The following SCAPER variants were observed in gnomAD, a reference collection of about 807,000 sequenced individuals.
SCAPER encodes S phase cyclin A-associated protein in the endoplasmic reticulum.
A neutral mutation model predicts 182.2 loss-of-function variants in SCAPER; 98 were observed. The ratio of observed to expected loss-of-function variants is 0.54; its 90% CI spans 0.46 to 0.64. The LOEUF (loss-of-function observed/expected upper bound fraction) is 0.64. Ranked by LOEUF, SCAPER falls within the 30% of genes least tolerant of loss-of-function variation. SCAPER has a pLI of 0.00. For synonymous variants in SCAPER, 605 were observed against 564.6 expected (o/e 1.07, Z -1.01); for missense variants, 1,432 against 1,690.0 (o/e 0.85, Z 2.68).
At chr15:76,753,773 T>A (rs746699877) in intron 15 of SCAPER, 35 bp downstream of exon 15, 2 of 1,589,812 alleles carry the variant, frequency 1.3e-6, no homozygotes, top group African/African-American at 2.7e-5. Flanking sequence ...AGTACTTGGG[T>A]AATTAAGTCA....
intron 2 of SCAPER, among the ~76,000 whole-genome samples, chr15:76,873,702 A>G (rs2151926844): frequency 6.6e-6 from 1 of 152,338 alleles, no homozygotes; most frequent in African/African-American, 2.4e-5. Context: ...ACAAGTTGAT[A>G]TATTTGACAT....
At chr15:76,716,742 A>T (rs1016616282) in intron 17 of SCAPER, among the ~76,000 whole-genome samples, 5 of 152,004 alleles carry the variant, frequency 3.3e-5, no homozygotes, top group Non-Finnish European at 5.9e-5. Flanking sequence ...AATGACTCAG[A>T]AGAGAAGAAA....
intron 6 of SCAPER, among the ~76,000 whole-genome samples, chr15:76,803,347 T>C (rs1409347158): frequency 6.6e-6 from 1 of 152,214 alleles, no homozygotes; most frequent in Non-Finnish European, 1.5e-5. Context: ...CTGTCTCAAT[T>C]TAAATGTCAC....
At chr15:76,490,629 G>A (rs2052203170) in intron 24 of SCAPER, among the ~76,000 whole-genome samples, 1 of 152,042 alleles carries the variant, frequency 6.6e-6, no homozygotes, top group Admixed American at 6.6e-5. Flanking sequence ...ATGTGACAAA[G>A]CTTTTTATTT....
chr15:76,850,859 C>CAA (rs59202490), intron 4 of SCAPER, among the ~76,000 whole-genome samples: 28 of 89,990 alleles, frequency 3.1e-4, no homozygotes, highest in Non-Finnish European at 3.9e-4. Context: ...GACTCTGTCT[C>CAA]AAAAAAAAAA....
chr15:76,390,180 TC>T (rs1315676120), intron 27 of SCAPER, among the ~76,000 whole-genome samples: 1 of 152,174 alleles, frequency 6.6e-6, no homozygotes, highest in African/African-American at 2.4e-5. Flanking sequence ...GGTCTCAAAC[TC>T]CTAGCCTCAA....
intron 5 of SCAPER, among the ~76,000 whole-genome samples, chr15:76,809,118 A>G (rs1050863648): frequency 3.3e-5 from 5 of 152,224 alleles, no homozygotes; most frequent in African/African-American, 1.2e-4. Flanking sequence ...TAGAATAACT[A>G]GCTGAGCTGA....
At chr15:76,870,255 T>C (rs1365179362) in intron 2 of SCAPER, among the ~76,000 whole-genome samples, 1 of 152,202 alleles carries the variant, frequency 6.6e-6, no homozygotes, top group Admixed American at 6.5e-5. Flanking sequence ...ATAATTTGAA[T>C]GTTTCTAGTA....
intron 25 of SCAPER, among the ~76,000 whole-genome samples, chr15:76,440,492 A>T: frequency 6.6e-6 from 1 of 152,166 alleles, no homozygotes; most frequent in South Asian, 2.1e-4. Flanking sequence ...CTGTACAACT[A>T]TTTTTTAGTA....
chr15:76,561,011 A>T (rs2046575713), intron 23 of SCAPER, among the ~76,000 whole-genome samples: 1 of 152,108 alleles, frequency 6.6e-6, no homozygotes, highest in Non-Finnish European at 1.5e-5. Context: ...ATACACGGGC[A>T]ATTTCTCTCA....
chr15:76,772,210 T>C (rs1362601195), intron 9 of SCAPER, among the ~76,000 whole-genome samples: 1 of 152,106 alleles, frequency 6.6e-6, no homozygotes, highest in East Asian at 1.9e-4. Flanking sequence ...AAGCAATTTA[T>C]ATTGTAATTT....
At chr15:76,900,342 TAAAAAAAAA>T (rs56677318) in intron 1 of SCAPER, among the ~76,000 whole-genome samples, 3 of 59,112 alleles carry the variant, frequency 5.1e-5, no homozygotes, top group African/African-American at 1.9e-4. Context: ...CAATAAATAC[TAAAAAAAAA>T]AAAAAAAAAG....
At chr15:76,411,841 T>C (rs1377654038) in intron 26 of SCAPER, among the ~76,000 whole-genome samples, 1 of 152,182 alleles carries the variant, frequency 6.6e-6, no homozygotes. Context: ...TACCTTGGTA[T>C]GATTTTATTT....
intron 23 of SCAPER, among the ~76,000 whole-genome samples, chr15:76,540,179 T>C (rs1223566561): frequency 6.6e-6 from 1 of 152,142 alleles, no homozygotes; most frequent in African/African-American, 2.4e-5. Flanking sequence ...AGTGGGAGGA[T>C]TGCTTGAAGC....
intron 22 of SCAPER, among the ~76,000 whole-genome samples, chr15:76,615,548 C>T (rs1465854686): frequency 2.0e-5 from 3 of 150,978 alleles, no homozygotes; most frequent in African/African-American, 4.9e-5. Flanking sequence ...AGGCCAGGCA[C>T]GGTGGCTCAC....
At chr15:76,636,458 T>TAAAA (rs201439664) in intron 21 of SCAPER, among the ~76,000 whole-genome samples, 1 of 143,474 alleles carries the variant, frequency 7.0e-6, no homozygotes. Flanking sequence ...ACCTTTAAAT[T>TAAAA]AAAAAAAAAA....
chr15:76,624,463 A>G (rs1462646231), intron 21 of SCAPER, among the ~76,000 whole-genome samples: 5 of 152,252 alleles, frequency 3.3e-5, no homozygotes, highest in Admixed American at 3.3e-4. Flanking sequence ...CAATATCATT[A>G]AAATGGCTGC....
chr15:76,532,811 C>T (rs1010048099), intron 23 of SCAPER, among the ~76,000 whole-genome samples: 6 of 152,068 alleles, frequency 3.9e-5, no homozygotes, highest in African/African-American at 7.2e-5. Context: ...CAGAAGATGT[C>T]GCTTTGATTA....
rs1282091411 is a variant in SCAPER at position 76,671,776 on chromosome 15, A to G, written c.2509-5987T>C. On this transcript the variant is annotated intron_variant, in intron 20 of 31. Transcript: ENST00000563290. Reference sequence around the variant, plus strand: ...CAGAGCGAGACTCCGTTTAAAAAAAAAAAAAGAAGTGAGGGTGGACAAACT... The same window carrying G: ...CAGAGCGAGACTCCGTTTAAAAAAAGAAAAAGAAGTGAGGGTGGACAAACT... Among the ~76,000 whole-genome samples the G allele has an allele frequency of 2.0e-5, 3 of 152,070 alleles. No homozygotes were observed. The East Asian group carries it at 5.8e-4, about 29-fold the overall frequency.
Sources: gnomAD v4.1 joint callset for allele counts (sites outside exome capture counted in the v4.1 genomes callset) on GRCh38, gnomAD v4.1.1 for gene constraint, MANE v1.5 for transcripts, NCBI Gene and HGNC (gene_info 2026-07-23, HGNC 2026-07-21) for gene names.